Variants in POU2F3 observed in about 807,000 individuals in gnomAD.
POU2F3 encodes POU class 2 homeobox 3, also known as POU domain, class 2, transcription factor 3.
POU2F3 carries 23 observed loss-of-function variants against 59.2 expected under a neutral mutation model. That is an observed-to-expected ratio of 0.39 (90% confidence interval 0.28 to 0.55). POU2F3 has a LOEUF of 0.55. Ranked by LOEUF, POU2F3 falls within the 20% of genes least tolerant of loss-of-function variation. POU2F3 has a pLI of 0.66. For synonymous variants in POU2F3, 190 were observed against 214.6 expected, an observed-to-expected ratio of 0.89 and a Z score of 1.00; for missense variants, 473 against 544.5, an observed-to-expected ratio of 0.87 and a Z score of 1.31.
intron 3 of POU2F3, among the ~76,000 whole-genome samples, chr11:120,278,996 A>G (rs1283099224): frequency 6.6e-6 from 1 of 152,172 alleles, no homozygotes; most frequent in African/African-American, 2.4e-5. Context: ...CATTTCTTGA[A>G]CTCTGACTGT....
At chr11:120,274,092 G>GAGAGAAAGA (rs1940205275) in intron 3 of POU2F3, among the ~76,000 whole-genome samples, 1 of 91,020 alleles carries the variant, frequency 1.1e-5, no homozygotes, top group African/African-American at 4.4e-5. Flanking sequence ...AGAAAGAAAG[G>GAGAGAAAGA]AAGGAAGGAA....
At chr11:120,268,111 C>T (rs557028917) in intron 2 of POU2F3, among the ~76,000 whole-genome samples, 45 of 152,038 alleles carry the variant, frequency 3.0e-4, no homozygotes, top group African/African-American at 1.0e-3. Context: ...AGCATAGAAG[C>T]ATTTATGATG....
chr11:120,269,966 G>A (rs1939992681), intron 3 of POU2F3, among the ~76,000 whole-genome samples: 1 of 152,058 alleles, frequency 6.6e-6, no homozygotes, highest in Non-Finnish European at 1.5e-5. Context: ...AGAAGCAGAT[G>A]GCGGGAGTGG....
chr11:120,243,014 C>T (rs1470357640), intron 1 of POU2F3, among the ~76,000 whole-genome samples: 3 of 152,158 alleles, frequency 2.0e-5, no homozygotes, highest in Non-Finnish European at 4.4e-5. Context: ...TCACTGTGAG[C>T]TTTTCCCCAC....
At chr11:120,237,161 A>G (rs1938525135), upstream of POU2F3, among the ~76,000 whole-genome samples, 1 of 152,186 alleles carries the variant, frequency 6.6e-6, no homozygotes, top group Admixed American at 6.5e-5. Flanking sequence ...TCTGTAACGC[A>G]GGGCTAATAA....
chr11:120,243,701 C>T (rs902449709), intron 1 of POU2F3, among the ~76,000 whole-genome samples: 1 of 152,152 alleles, frequency 6.6e-6, no homozygotes, highest in Non-Finnish European at 1.5e-5. Flanking sequence ...TAGGCTGAGA[C>T]CCAAAAGCTC....
rs765069732 is a variant in POU2F3, at chr11:120,309,490, G to A, written c.972G>A (p.Val324=). The A allele has an allele frequency of 1.5e-5, 24 of 1,613,960 alleles. No individual in the cohort carries two copies. In the Admixed American group the frequency reaches 4.0e-4, roughly 27 times the overall value. The change falls in exon 10 of 13, where the codon GTG becomes GTA. Residue 324 remains valine (V), a synonymous_variant. Transcript: ENST00000543440. The stretch of plus-strand genomic sequence containing the variant: ...AGCAGTTGTCCATGGAGAAGGAGGT[G>A]GTGAGGGTCTGGTTCTGCAACCGAC... ...IAEQLSMEKE[V]VRVWFCNRRQ...
rs1258061401 is a variant in POU2F3, at chr11:120,285,946, T to C, written c.133-12319T>C. Among the ~76,000 whole-genome samples, 3 of 152,042 alleles carry C rather than the reference T, an allele frequency of 2.0e-5. No individual in the cohort carries two copies. Among genetic ancestry groups the C allele is most frequent in the Non-Finnish European group, 4.4e-5 (3 of 67,988 alleles). ...CACCCAGGCTGGAGTGCAGTGGTGCTATCTCGGCTCACTGCAACCTCCGCC... is the reference window on the plus strand; with the variant it reads ...CACCCAGGCTGGAGTGCAGTGGTGCCATCTCGGCTCACTGCAACCTCCGCC... On this transcript the variant is annotated intron_variant, in intron 3 of 12. Transcript: ENST00000543440. The surrounding 1 kb of genome is among the most constrained non-coding windows in gnomAD (Gnocchi z 4.3).
At chr11:120,286,841 G>T (rs1004102197) in intron 3 of POU2F3, among the ~76,000 whole-genome samples, 4 of 150,774 alleles carry the variant, frequency 2.7e-5, no homozygotes, top group Admixed American at 2.0e-4. Context: ...TGTGAATCTT[G>T]ATGTCCGCGC....
chr11:120,302,544 T>C, intron 6 of POU2F3, 176 bp downstream of exon 6: 1 of 584,664 alleles, frequency 1.7e-6, no homozygotes, highest in Non-Finnish European at 3.0e-6. Context: ...GGGGGGACAA[T>C]TTACCAAGTG....
At chr11:120,276,681 C>T (rs1224517314) in intron 3 of POU2F3, among the ~76,000 whole-genome samples, 1 of 152,124 alleles carries the variant, frequency 6.6e-6, no homozygotes, top group Non-Finnish European at 1.5e-5. Flanking sequence ...CTATAATAAC[C>T]TCTCTCTCCC....
rs968152037 is a variant in POU2F3, at chr11:120,281,116, C to G, written c.132+11872C>G. Reference sequence around the variant, plus strand: ...TAAACTTTTTCCACCTTAAAGCTTCCTTCCCCCTAGTCTGACCCTTAAGCG... The same window carrying G: ...TAAACTTTTTCCACCTTAAAGCTTCGTTCCCCCTAGTCTGACCCTTAAGCG... On this transcript the variant is annotated intron_variant, in intron 3 of 12. Coordinates refer to ENST00000543440, the MANE Select transcript of POU2F3 (RefSeq NM_014352.4). Among the ~76,000 whole-genome samples, 88 of 152,118 alleles carry G rather than the reference C, an allele frequency of 5.8e-4. 4 individuals carry two copies. Among genetic ancestry groups the G allele is most frequent in the Non-Finnish European group, 1.5e-5 (1 of 68,026 alleles).
chr11:120,284,288 C>T (rs1403934535), intron 3 of POU2F3, among the ~76,000 whole-genome samples: 1 of 152,238 alleles, frequency 6.6e-6, no homozygotes, highest in Non-Finnish European at 1.5e-5. Context: ...GAATGCCCAT[C>T]TCCTCTGCTC....
intron 8 of POU2F3, 106 bp from the exon 9 acceptor site, chr11:120,307,373 G>A: frequency 8.4e-6 from 11 of 1,302,514 alleles, no homozygotes; most frequent in Non-Finnish European, 1.2e-5. Flanking sequence ...TCCTGAAAAT[G>A]CCACTGCAGA....
chr11:120,305,680 A>G lies in POU2F3; in HGVS notation c.664A>G (p.Asn222Asp), dbSNP rs769189070. ...VGLAMGKLYG[N>D]DFSQTTISRF... ...GCTGGCGATGGGAAAGCTGTATGGC[A>G]ACGACTTCAGCCAGACCACCATCTC... Residue 222 changes from asparagine to aspartate, a missense_variant, in exon 8 of 13, where the codon AAC becomes GAC. By Grantham distance (23) the Asn-to-Asp change is conservative. Transcript: ENST00000543440. 6.2e-7 allele frequency: 1 copy of G among 1,614,030 alleles called. No homozygotes were observed. Among genetic ancestry groups the G allele is most frequent in the Admixed American group, 1.7e-5 (1 of 60,032 alleles).
intron 6 of POU2F3, chr11:120,302,622 G>A (rs999080626): frequency 1.5e-5 from 7 of 482,020 alleles, no homozygotes; most frequent in Non-Finnish European, 2.6e-5. Flanking sequence ...CATGCTCCAG[G>A]CACTGAACTC....
At chr11:120,241,656 C>T (rs376888670) in intron 1 of POU2F3, among the ~76,000 whole-genome samples, 13 of 152,254 alleles carry the variant, frequency 8.5e-5, no homozygotes, top group African/African-American at 2.4e-4. Flanking sequence ...CTTCACTGCC[C>T]GCAGAGAAGG....
chr11:120,283,772 C>CGTGTGTGTGTGTGTGTGTGTGT (rs36099803), intron 3 of POU2F3, among the ~76,000 whole-genome samples: 2 of 130,354 alleles, frequency 1.5e-5, no homozygotes, highest in Admixed American at 7.6e-5. Flanking sequence ...TAATAGGCTT[C>CGTGTGTGTGTGTGTGTGTGTGT]GTGTGTGTGT....
At chr11:120,269,274 A>G in intron 3 of POU2F3, 30 bp downstream of exon 3, 3 of 1,549,698 alleles carry the variant, frequency 1.9e-6, no homozygotes, top group Non-Finnish European at 2.7e-6. Context: ...AGAAACGTTT[A>G]TTCTATAAAA....
Sources: gnomAD v4.1 joint callset for allele counts (sites outside exome capture counted in the v4.1 genomes callset) on GRCh38, gnomAD v4.1.1 for gene constraint, Gnocchi (gnomAD v3.1) non-coding constraint, MANE v1.5 for transcripts, NCBI Gene and HGNC (gene_info 2026-07-23, HGNC 2026-07-21) for gene names.